The following GULP1 variants were observed in gnomAD, a reference collection of about 807,000 sequenced individuals.
The protein encoded by GULP1 is PTB domain-containing engulfment adapter protein 1.
In GULP1, 19 loss-of-function variants were observed where a neutral mutation model predicts 40.9. The ratio of observed to expected loss-of-function variants is 0.46; its 90% confidence interval spans 0.32 to 0.68. The LOEUF (loss-of-function observed/expected upper bound fraction) is 0.68. Among genes scored for constraint, GULP1 ranks in the 30% least tolerant of loss-of-function variants. The pLI is 0.03. For synonymous variants in GULP1, 119 were observed against 117.6 expected (o/e 1.01, Z -0.08); for missense variants, 312 against 362.2 (o/e 0.86, Z 1.12).
intron 1 of GULP1, among the ~76,000 whole-genome samples, chr2:188,332,026 C>G (rs112750916): frequency 1.3e-5 from 2 of 151,996 alleles, no homozygotes; most frequent in South Asian, 4.1e-4. Context: ...GTAGCTCATA[C>G]GGCAACATTC....
intron 2 of GULP1, among the ~76,000 whole-genome samples, chr2:188,386,344 C>T (rs2049744630): frequency 6.6e-6 from 1 of 152,150 alleles, no homozygotes; most frequent in Admixed American, 6.6e-5. Flanking sequence ...GTTCAATCAC[C>T]TTCCACAAGG....
At chr2:188,312,952 T>A (rs1272064650) in intron 1 of GULP1, among the ~76,000 whole-genome samples, 1 of 141,238 alleles carries the variant, frequency 7.1e-6, no homozygotes, top group Non-Finnish European at 1.5e-5. Flanking sequence ...CTTTGCCCAC[T>A]TTTTGATGGG....
intron 7 of GULP1, among the ~76,000 whole-genome samples, chr2:188,556,816 A>T (rs914346400): frequency 2.0e-5 from 3 of 152,076 alleles, no homozygotes; most frequent in Non-Finnish European, 4.4e-5. Context: ...CGGGTGGATC[A>T]CGAGGTCAGG....
At chr2:188,317,125 C>G (rs10198965) in intron 1 of GULP1, among the ~76,000 whole-genome samples, 3,403 of 152,184 alleles carry the variant, frequency 0.022, 138 homozygotes, top group African/African-American at 0.077. Flanking sequence ...AAGCCAAACT[C>G]TCCCCCATGA....
At chr2:188,557,948 G>T (rs895982733) in intron 7 of GULP1, among the ~76,000 whole-genome samples, 2 of 152,168 alleles carry the variant, frequency 1.3e-5, no homozygotes, top group Non-Finnish European at 2.9e-5. Context: ...GTTCAGGGCA[G>T]TGGGGCCATG....
chr2:188,543,004 G>T (rs1345590801), intron 7 of GULP1, among the ~76,000 whole-genome samples: 1 of 151,970 alleles, frequency 6.6e-6, no homozygotes, highest in Non-Finnish European at 1.5e-5. Context: ...TGTGCCATTT[G>T]TTTTATATTC....
At chr2:188,479,210 GATTA>G (rs1282720382) in intron 3 of GULP1, among the ~76,000 whole-genome samples, 3 of 152,080 alleles carry the variant, frequency 2.0e-5, no homozygotes, top group African/African-American at 7.2e-5. Flanking sequence ...TGGCAGAGAA[GATTA>G]ATGTATTCAG....
At chr2:188,461,524 C>T (rs1443552957) in intron 2 of GULP1, among the ~76,000 whole-genome samples, 1 of 151,832 alleles carries the variant, frequency 6.6e-6, no homozygotes, top group Admixed American at 6.6e-5. Context: ...AGGCTGGACT[C>T]AAACTCCCGA....
chr2:188,594,918 G>C lies in GULP1; in HGVS notation c.*907G>C, dbSNP rs1034599311. The C allele has an allele frequency of 6.6e-6, 1 of 151,494 alleles. No homozygotes were observed. Among genetic ancestry groups the C allele is most frequent in the Admixed American group, 6.6e-5 (1 of 15,140 alleles). 9.4% of individuals were successfully genotyped at this position (151,494 alleles called of 1,614,324 possible). A position where few individuals can be genotyped will look rare whatever the true frequency, so the allele number is the denominator to read the frequency against. ...TTCTCATATTTTCTTCTTTGATGAAGATATTTTTCACCAAAGTTTATTTTG... is the reference window on the plus strand; with the variant it reads ...TTCTCATATTTTCTTCTTTGATGAACATATTTTTCACCAAAGTTTATTTTG... On this transcript the variant is annotated 3_prime_UTR_variant, in exon 12 of 12. Coordinates refer to ENST00000409830, the MANE Select transcript of GULP1 (RefSeq NM_016315.4).
At chr2:188,423,287 A>G (rs952026077) in intron 2 of GULP1, among the ~76,000 whole-genome samples, 3 of 152,072 alleles carry the variant, frequency 2.0e-5, no homozygotes, top group Admixed American at 1.3e-4. Flanking sequence ...TATTTGTTGA[A>G]AACAGTTGAA....
chr2:188,366,662 G>T (rs1265120435), intron 1 of GULP1, among the ~76,000 whole-genome samples: 1 of 147,912 alleles, frequency 6.8e-6, no homozygotes, highest in African/African-American at 2.5e-5. Context: ...GCGCGATCTC[G>T]GCTCACTTGC....
At chr2:188,321,507 T>C (rs2039976914) in intron 1 of GULP1, among the ~76,000 whole-genome samples, 1 of 152,210 alleles carries the variant, frequency 6.6e-6, no homozygotes, top group South Asian at 2.1e-4. Flanking sequence ...AAATTATCTG[T>C]GGCAGTAAGT....
rs540592887 is a variant in GULP1, at chr2:188,592,135, T to C, written c.844-1805T>C. 4 of 152,168 alleles carry C rather than the reference T, an allele frequency of 2.6e-5. No homozygotes were observed. The East Asian group carries it at 5.8e-4, about 22-fold the overall frequency. 9.4% of individuals were successfully genotyped at this position (152,168 alleles called of 1,614,324 possible). On this transcript the variant is annotated intron_variant, in intron 11 of 11. Transcript: ENST00000409830. ...TTGACCTCTGTTTTACTTTGGCTGC[T>C]ATTCTGCTTTTCCAATATTGATAAC...
rs1249541779 is a variant in GULP1, at chr2:188,494,670, G to C, written c.90+11178G>C. On this transcript the variant is annotated intron_variant, in intron 4 of 11. Coordinates refer to ENST00000409830, the MANE Select transcript of GULP1 (RefSeq NM_016315.4). ...GCGAGCATTTTTAAATGAAAATCTA[G>C]TCATTTTATCTTCCAACCTGAATAT... 2.0e-5 allele frequency among the ~76,000 whole-genome samples: 3 copies of C among 151,924 alleles called. No individual in the cohort carries two copies. The East Asian group carries it at 5.8e-4, about 30-fold the overall frequency.
intron 2 of GULP1, among the ~76,000 whole-genome samples, chr2:188,411,471 C>G (rs112912331): frequency 1.3e-5 from 2 of 152,066 alleles, no homozygotes; most frequent in Non-Finnish European, 2.9e-5. Context: ...ACTTTGTTCA[C>G]GAGTCCACTG....
chr2:188,296,910 C>T (rs1283689345), intron 1 of GULP1, among the ~76,000 whole-genome samples: 6 of 151,972 alleles, frequency 3.9e-5, no homozygotes, highest in Non-Finnish European at 8.8e-5. Flanking sequence ...TACTTTCTCT[C>T]TGTCTCTCTG....
intron 1 of GULP1, among the ~76,000 whole-genome samples, chr2:188,372,379 A>G (rs988311617): frequency 6.6e-6 from 1 of 152,120 alleles, no homozygotes; most frequent in South Asian, 2.1e-4. Context: ...TTAGTATTAC[A>G]TAACCTGTTT....
chr2:188,472,973 C>T (rs138527862), intron 2 of GULP1, among the ~76,000 whole-genome samples: 1 of 152,250 alleles, frequency 6.6e-6, no homozygotes, highest in African/African-American at 2.4e-5. Flanking sequence ...ATGTTGTGAT[C>T]TAAGTTGTAT....
intron 9 of GULP1, among the ~76,000 whole-genome samples, chr2:188,571,331 A>G (rs554695849): frequency 6.6e-6 from 1 of 152,228 alleles, no homozygotes; most frequent in Admixed American, 6.5e-5. Flanking sequence ...ATGAAAAAGG[A>G]TGTTTCTATA....
Sources: gnomAD v4.1 joint callset for allele counts (sites outside exome capture counted in the v4.1 genomes callset) on GRCh38, gnomAD v4.1.1 for gene constraint, MANE v1.5 for transcripts, NCBI Gene and HGNC (gene_info 2026-07-23, HGNC 2026-07-21) for gene names.